Variants in ASIC2 observed in about 807,000 individuals in gnomAD.
ASIC2 encodes acid-sensing ion channel 2.
In ASIC2, 25 loss-of-function variants were observed where a neutral mutation model predicts 57.3. That is an observed-to-expected ratio of 0.44 (90% CI 0.32 to 0.61). The LOEUF (loss-of-function observed/expected upper bound fraction) is 0.61. Ranked by LOEUF, ASIC2 falls within the 20% of genes least tolerant of loss-of-function variation. The probability of loss-of-function intolerance (pLI) is 0.06; values close to 1 mark genes in which losing one functional copy is unlikely to be tolerated. For synonymous variants in ASIC2, 319 were observed against 307.5 expected, an observed-to-expected ratio of 1.04 and a Z score of -0.39; for missense variants, 641 against 738.1, an observed-to-expected ratio of 0.87 and a Z score of 1.52.
intron 1 of ASIC2, among the ~76,000 whole-genome samples, chr17:33,974,605 T>TATCCC (rs1555576617): frequency 6.9e-6 from 1 of 145,330 alleles, no homozygotes; most frequent in East Asian, 2.0e-4. Context: ...GGAACCTATC[T>TATCCC]ATCCATCCAT....
At chr17:33,350,718 T>G (rs1213490485) in intron 1 of ASIC2, among the ~76,000 whole-genome samples, 2 of 99,682 alleles carry the variant, frequency 2.0e-5, no homozygotes, top group East Asian at 5.0e-4. Flanking sequence ...AAAGAAATAT[T>G]TAACCACTAA....
intron 1 of ASIC2, among the ~76,000 whole-genome samples, chr17:33,492,019 ATCT>A (rs1415974957): frequency 7.2e-5 from 11 of 152,136 alleles, no homozygotes; most frequent in African/African-American, 2.4e-4. Context: ...TCTCCCTCTA[ATCT>A]TCTCCCTGGC....
At chr17:33,493,577 T>A (rs1049985004) in intron 1 of ASIC2, among the ~76,000 whole-genome samples, 12 of 152,182 alleles carry the variant, frequency 7.9e-5, no homozygotes, top group African/African-American at 2.9e-4. Flanking sequence ...TCTTACTGGC[T>A]GCTTTCCTCT....
intron 1 of ASIC2, among the ~76,000 whole-genome samples, chr17:33,176,052 A>G (rs1007827800): frequency 7.9e-5 from 12 of 152,188 alleles, no homozygotes; most frequent in African/African-American, 2.7e-4. Context: ...GCCTCTCTGC[A>G]CAGGCTGTTT....
At chr17:33,538,364 G>A (rs1915304746) in intron 1 of ASIC2, among the ~76,000 whole-genome samples, 1 of 152,164 alleles carries the variant, frequency 6.6e-6, no homozygotes, top group Non-Finnish European at 1.5e-5. Context: ...GCCAGTGGGA[G>A]GACCTTGGGA....
intron 1 of ASIC2, among the ~76,000 whole-genome samples, chr17:33,152,373 G>A (rs947195262): frequency 6.6e-5 from 10 of 152,218 alleles, no homozygotes; most frequent in African/African-American, 2.4e-4. Flanking sequence ...GTGCTCTAGT[G>A]TTTCAGAGGT....
chr17:34,030,358 C>G (rs1007224665), intron 1 of ASIC2, among the ~76,000 whole-genome samples: 101 of 152,246 alleles, frequency 6.6e-4, no homozygotes, highest in African/African-American at 2.4e-3. Context: ...GAATTAACAC[C>G]ATCCGAATGT....
chr17:33,174,740 C>T (rs1216530347), intron 1 of ASIC2, among the ~76,000 whole-genome samples: 3 of 152,190 alleles, frequency 2.0e-5, no homozygotes, highest in Non-Finnish European at 2.9e-5. Flanking sequence ...AGCCCGTGTC[C>T]TGGTGACTAT....
chr17:33,249,151 G>A (rs1908796098), intron 1 of ASIC2, among the ~76,000 whole-genome samples: 1 of 152,164 alleles, frequency 6.6e-6, no homozygotes, highest in Non-Finnish European at 1.5e-5. Context: ...AGAGAAGGGT[G>A]AAGACTGGCC....
intron 1 of ASIC2, among the ~76,000 whole-genome samples, chr17:33,242,668 C>T (rs939219719): frequency 2.0e-5 from 3 of 152,150 alleles, no homozygotes; most frequent in Non-Finnish European, 2.9e-5. Flanking sequence ...CCGAGACGTC[C>T]GGGAGTTTTC....
chr17:33,315,163 ATG>A (rs1906593922), intron 1 of ASIC2, among the ~76,000 whole-genome samples: 1 of 152,212 alleles, frequency 6.6e-6, no homozygotes, highest in African/African-American at 2.4e-5. Flanking sequence ...GAGCAATTAA[ATG>A]TGATGTGGTA....
At chr17:33,807,264 G>T (rs1912293941) in intron 1 of ASIC2, among the ~76,000 whole-genome samples, 1 of 152,204 alleles carries the variant, frequency 6.6e-6, no homozygotes, top group Non-Finnish European at 1.5e-5. Flanking sequence ...TGGGTACTGA[G>T]CAGGTGATAG....
chr17:33,250,662 T>C (rs1908850071), intron 1 of ASIC2, among the ~76,000 whole-genome samples: 1 of 152,240 alleles, frequency 6.6e-6, no homozygotes, highest in Admixed American at 6.5e-5. Flanking sequence ...TAGGAAAACA[T>C]TCTTATTAAA....
At chr17:33,577,958 A>T (rs529302452) in intron 1 of ASIC2, among the ~76,000 whole-genome samples, 11 of 152,266 alleles carry the variant, frequency 7.2e-5, no homozygotes, top group African/African-American at 2.6e-4. Flanking sequence ...GCTGCATCCA[A>T]GCCTGGCCAC....
At chr17:33,535,844 C>T (rs919102188) in intron 1 of ASIC2, among the ~76,000 whole-genome samples, 1 of 152,146 alleles carries the variant, frequency 6.6e-6, no homozygotes, top group African/African-American at 2.4e-5. Flanking sequence ...AACAGAGTTC[C>T]CACCTCTACT....
Position 33,344,761 on chromosome 17 carries a change from T to C in ASIC2, c.556-232694A>G, listed in dbSNP as rs149640441. Among the ~76,000 whole-genome samples the C allele has an allele frequency of 6.0e-3, 907 of 152,238 alleles. 12 individuals carry two copies. The highest frequency in any genetic ancestry group is 0.031 in the East Asian group (161 of 5,170). On this transcript the variant is annotated intron_variant, in intron 1 of 9. Transcript: ENST00000359872. ...TTATTAACCCACTACTTTAAGAATG[T>C]ATATATTTATTTGCATCTGGGAGAC...
At chr17:33,349,073 G>A (rs1237698174) in intron 1 of ASIC2, among the ~76,000 whole-genome samples, 2 of 152,156 alleles carry the variant, frequency 1.3e-5, no homozygotes, top group Non-Finnish European at 2.9e-5. Context: ...ACTGATCTAT[G>A]GACCACACTT....
chr17:33,834,046 G>C (rs939206085), intron 1 of ASIC2: 5 of 152,188 alleles, frequency 3.3e-5, no homozygotes, highest in Non-Finnish European at 7.3e-5. Flanking sequence ...CTGGATGGGA[G>C]TAAGACCCTA....
At chr17:33,504,732 CAG>C (rs1390926300) in intron 1 of ASIC2, among the ~76,000 whole-genome samples, 1 of 152,232 alleles carries the variant, frequency 6.6e-6, no homozygotes, top group African/African-American at 2.4e-5. Context: ...CCACTCCTCT[CAG>C]ATGTTTCTTT....
Sources: allele counts gnomAD v4.1 joint callset (sites outside exome capture counted in the v4.1 genomes callset), GRCh38; gene constraint gnomAD v4.1.1; transcripts MANE v1.5; gene names NCBI Gene and HGNC (gene_info 2026-07-23, HGNC 2026-07-21).